SSH2: variants seen among roughly 807,000 people sequenced by gnomAD.
SSH2 encodes the protein slingshot protein phosphatase 2.
In SSH2, 37 loss-of-function variants were observed where a neutral mutation model predicts 135.2. That is an observed-to-expected ratio of 0.27 (90% CI 0.21 to 0.36). The LOEUF is 0.36. SSH2 is among the 10% of genes least tolerant of loss of function. The pLI, the probability that SSH2 is intolerant of heterozygous loss-of-function variation, is 1.00. For synonymous variants in SSH2, 628 were observed against 646.2 expected, an observed-to-expected ratio of 0.97 and a Z score of 0.43; for missense variants, 1,408 against 1,765.3, an observed-to-expected ratio of 0.80 and a Z score of 3.63.
At chr17:29,680,648 C>T (rs1031514479) in intron 6 of SSH2, among the ~76,000 whole-genome samples, 1 of 149,624 alleles carries the variant, frequency 6.7e-6, no homozygotes, top group African/African-American at 2.5e-5. Flanking sequence ...GAACCTGGAC[C>T]TGAACAACAG....
intron 2 of SSH2, among the ~76,000 whole-genome samples, chr17:29,814,671 T>C (rs533705505): frequency 3.7e-4 from 56 of 151,816 alleles, no homozygotes; most frequent in Non-Finnish European, 6.5e-4. Context: ...AACCGGGAAG[T>C]TGAGTAAATT....
chr17:29,854,422 A>G (rs567828247), intron 1 of SSH2, among the ~76,000 whole-genome samples: 12 of 152,006 alleles, frequency 7.9e-5, no homozygotes, highest in Admixed American at 7.9e-4. Flanking sequence ...TTAGCTAAGT[A>G]TTGTGTGGAG....
At position 29,628,048 on chromosome 17, in the gene SSH2, GA is replaced by G. The variant is rs1354182431; in HGVS notation, c.*2792del. ...GCTTCAGGTCAGGTCATGAACAAAAGAAAAGGGAAAGATGCCACTGGAGATT... is the reference window on the plus strand; with the variant it reads ...GCTTCAGGTCAGGTCATGAACAAAAGAAAGGGAAAGATGCCACTGGAGATT... On this transcript the variant is annotated 3_prime_UTR_variant, in exon 16 of 16. Coordinates refer to ENST00000540801, the MANE Select transcript of SSH2 (RefSeq NM_001282129.2). 1 of 145,816 alleles carries G rather than the reference GA, an allele frequency of 6.9e-6. No individual in the cohort carries two copies. Among genetic ancestry groups the G allele is most frequent in the Non-Finnish European group, 1.5e-5 (1 of 67,190 alleles). 9.0% of individuals were successfully genotyped at this position (145,816 alleles called of 1,614,324 possible). A position where few individuals can be genotyped will look rare whatever the true frequency, so the allele number is the denominator to read the frequency against.
intron 3 of SSH2, among the ~76,000 whole-genome samples, chr17:29,712,545 T>C (rs1486266802): frequency 6.6e-6 from 1 of 152,258 alleles, no homozygotes; most frequent in Non-Finnish European, 1.5e-5. Context: ...GGCTCACGCC[T>C]GTAATCTCAG....
chr17:29,871,586 T>C (rs952676937), intron 1 of SSH2, among the ~76,000 whole-genome samples: 16 of 152,248 alleles, frequency 1.1e-4, no homozygotes, highest in African/African-American at 3.9e-4. Flanking sequence ...CTGATTCATT[T>C]GATTTTTTAA....
intron 2 of SSH2, among the ~76,000 whole-genome samples, chr17:29,800,410 A>G (rs2042229430): frequency 6.6e-6 from 1 of 152,210 alleles, no homozygotes; most frequent in Non-Finnish European, 1.5e-5. Flanking sequence ...TTCAAATGGT[A>G]GCTGAAGGTG....
chr17:29,708,021 TATC>T (rs1447068294), intron 3 of SSH2, among the ~76,000 whole-genome samples: 1 of 152,120 alleles, frequency 6.6e-6, no homozygotes, highest in Non-Finnish European at 1.5e-5. Flanking sequence ...AAAAATCTCT[TATC>T]ATAACAGAAA....
intron 2 of SSH2, among the ~76,000 whole-genome samples, chr17:29,795,369 C>CT (rs1015688814): frequency 1.3e-5 from 2 of 152,346 alleles, no homozygotes; most frequent in African/African-American, 2.4e-5. Flanking sequence ...CTCTGTCTCT[C>CT]TTTTTTTATT....
chr17:29,910,502 G>A (rs1383927124), intron 1 of SSH2, among the ~76,000 whole-genome samples: 2 of 152,168 alleles, frequency 1.3e-5, no homozygotes, highest in Admixed American at 1.3e-4. Flanking sequence ...TATTCAGAGA[G>A]TAAGTGTACA....
rs77872787 is a variant in SSH2, at chr17:29,742,230, G to A, written c.189-39168C>T. On this transcript the variant is annotated intron_variant, in intron 3 of 15. Coordinates refer to ENST00000540801, the MANE Select transcript of SSH2 (RefSeq NM_001282129.2). ...GATTACAGGTGTGAGCCACTGGCCC[G>A]GTTGCTTCACTGATAAGACTAGTTC... Among the ~76,000 whole-genome samples, 8 of 151,246 alleles carry A rather than the reference G, an allele frequency of 5.3e-5. No homozygotes were observed. In the East Asian group the frequency reaches 9.8e-4, roughly 18 times the overall value.
chr17:29,883,089 C>G (rs540734654), intron 1 of SSH2: 1 of 151,056 alleles, frequency 6.6e-6, no homozygotes, highest in Non-Finnish European at 1.5e-5. Flanking sequence ...GTTACAATAT[C>G]AGCACATTAC....
At chr17:29,905,178 A>G (rs1365614125) in intron 1 of SSH2, among the ~76,000 whole-genome samples, 1 of 152,238 alleles carries the variant, frequency 6.6e-6, no homozygotes, top group Non-Finnish European at 1.5e-5. Context: ...AAGAGCCTGA[A>G]TAGCCAAGAC....
intron 3 of SSH2, among the ~76,000 whole-genome samples, chr17:29,704,549 T>A (rs993712605): frequency 6.6e-6 from 1 of 151,630 alleles, no homozygotes; most frequent in African/African-American, 2.4e-5. Context: ...AAAAATATTT[T>A]AAAAATAGCT....
chr17:29,910,307 C>T (rs1164603752), intron 1 of SSH2, among the ~76,000 whole-genome samples: 2 of 137,874 alleles, frequency 1.5e-5, no homozygotes, highest in Admixed American at 7.9e-5. Flanking sequence ...GAGGGTACAC[C>T]CCTGCCCATT....
chr17:29,769,290 G>C (rs1043559719), intron 3 of SSH2, among the ~76,000 whole-genome samples: 5 of 152,068 alleles, frequency 3.3e-5, no homozygotes, highest in Non-Finnish European at 7.3e-5. Flanking sequence ...AACTGAAAAG[G>C]TCTATTGCCA....
At chr17:29,651,855 G>A (rs975919343) in intron 12 of SSH2, among the ~76,000 whole-genome samples, 10 of 151,972 alleles carry the variant, frequency 6.6e-5, no homozygotes, top group East Asian at 1.9e-4. Flanking sequence ...TTTAAAAAGC[G>A]AGCTTGGCCA....
chr17:29,903,477 C>T (rs915581620), intron 1 of SSH2, among the ~76,000 whole-genome samples: 1 of 149,420 alleles, frequency 6.7e-6, no homozygotes, highest in African/African-American at 2.5e-5. Flanking sequence ...AAAAAAAAAT[C>T]ATTTCACTAA....
chr17:29,785,805 C>CT (rs748367220), intron 3 of SSH2, among the ~76,000 whole-genome samples: 18,219 of 124,994 alleles, frequency 0.15, 3,155 homozygotes, highest in African/African-American at 0.42. Context: ...AGTCCGTTTA[C>CT]TTTTTTTTTT....
At chr17:29,805,515 G>A (rs2042328903) in intron 2 of SSH2, among the ~76,000 whole-genome samples, 1 of 152,116 alleles carries the variant, frequency 6.6e-6, no homozygotes, top group African/African-American at 2.4e-5. Flanking sequence ...TGCTGGAGCT[G>A]GCTAGGTTGT....
Sources: allele counts gnomAD v4.1 joint callset (sites outside exome capture counted in the v4.1 genomes callset), GRCh38; gene constraint gnomAD v4.1.1; transcripts MANE v1.5; gene names NCBI Gene and HGNC (gene_info 2026-07-23, HGNC 2026-07-21).